Variants in ROS1 observed in about 807,000 individuals in gnomAD.
The protein encoded by ROS1 is ROS proto-oncogene 1, receptor tyrosine kinase.
In ROS1, 263 loss-of-function variants were observed where a neutral mutation model predicts 273.5. The ratio of observed to expected loss-of-function variants is 0.96; its 90% CI spans 0.87 to 1.06. ROS1 has a LOEUF of 1.06. Ranked by LOEUF, ROS1 falls within the 50% of genes least tolerant of loss-of-function variation. The pLI, the probability that ROS1 is intolerant of heterozygous loss-of-function variation, is 0.00. For synonymous variants in ROS1, 1,008 were observed against 954.1 expected (o/e 1.06, Z -1.04); for missense variants, 2,833 against 2,751.1 (o/e 1.03, Z -0.67).
chr6:117,345,230 C>A (rs1395783877), intron 27 of ROS1, among the ~76,000 whole-genome samples: 1 of 152,224 alleles, frequency 6.6e-6, no homozygotes, highest in South Asian at 2.1e-4. Context: ...TCCAACCCTT[C>A]ACATAGGTAG....
At chr6:117,369,319 T>G (rs972668597) in intron 18 of ROS1, among the ~76,000 whole-genome samples, 2 of 152,216 alleles carry the variant, frequency 1.3e-5, no homozygotes, top group Non-Finnish European at 2.9e-5. Context: ...TTCCTTCCTC[T>G]ACTTTATATT....
rs747157354 is a variant in ROS1 at position 117,329,318 on chromosome 6, AACAC to A, written c.5348+7_5348+10del. On this transcript the variant is annotated splice_region_variant and intron_variant, in intron 33 of 43. Coordinates refer to ENST00000368507, the MANE Select transcript of ROS1 (RefSeq NM_001378902.1). ...CTTTGTCATTTACAAGTACTTTGCA[AACAC>A]ACATACCTTATCTCAAGGATATAGT... is the stretch of plus-strand genomic sequence containing the variant. The A allele has an allele frequency of 2.4e-6, 3 of 1,234,880 alleles. No homozygotes were observed. The highest frequency in any genetic ancestry group is 3.5e-6 in the Non-Finnish European group (3 of 852,740). The allele number at this position is 1,234,880 out of a possible 1,614,324, so 76.5% of individuals were successfully genotyped here.
chr6:117,393,365 T>C (rs757849596), intron 11 of ROS1, 44 bp from the exon 12 acceptor site: 4 of 1,212,736 alleles, frequency 3.3e-6, no homozygotes, highest in South Asian at 1.2e-5. Context: ...CATCTGTCTA[T>C]ACAGCATTAA....
intron 43 of ROS1, among the ~76,000 whole-genome samples, chr6:117,296,361 A>G (rs1266379526): frequency 6.6e-6 from 1 of 151,764 alleles, no homozygotes; most frequent in African/African-American, 2.4e-5. Flanking sequence ...AGATCATGCC[A>G]TTGCTTTCTG....
At position 117,329,394 on chromosome 6, in the gene ROS1, A is replaced by G. The variant is rs1776888739; in HGVS notation, c.5283T>C (p.Asn1761=). Residue 1761 remains asparagine, a synonymous_variant, in exon 33 of 44, where the codon AAT becomes AAC. Coordinates refer to ENST00000368507, the MANE Select transcript of ROS1 (RefSeq NM_001378902.1). ...CTTCAGCTTTCTCCCACTGTATTGAATTTTTACTCCCTTCTAGTAATTTGG... is the reference window on the plus strand; with the variant it reads ...CTTCAGCTTTCTCCCACTGTATTGAGTTTTTACTCCCTTCTAGTAATTTGG... ...GIPKLLEGSK[N]SIQWEKAEDN... 6.2e-7 allele frequency: 1 copy of G among 1,604,250 alleles called. No individual in the cohort carries two copies.
At chr6:117,297,866 C>T (rs1402780089) in intron 43 of ROS1, among the ~76,000 whole-genome samples, 1 of 152,114 alleles carries the variant, frequency 6.6e-6, no homozygotes, top group African/African-American at 2.4e-5. Flanking sequence ...AATTCCATTA[C>T]TAGGTATCTA....
rs138573193 is a variant in ROS1 at position 117,342,493 on chromosome 6, A to G, written c.4558T>C (p.Tyr1520His). The G allele has an allele frequency of 2.0e-5, 32 of 1,602,988 alleles. No individual in the cohort carries two copies. Among genetic ancestry groups the G allele is most frequent in the Admixed American group, 5.0e-5 (3 of 59,584 alleles). ...TTTTTTACAGCTATCTGTATCATGTATGTTGAAAATGGTTGTAAATCTTCA... is the reference window on the plus strand; with the variant it reads ...TTTTTTACAGCTATCTGTATCATGTGTGTTGAAAATGGTTGTAAATCTTCA... ...LIEDLQPFST[Y>H]MIQIAVKNYY... The change falls in exon 29 of 44, where the codon TAC (tyrosine) becomes CAC (histidine). Residue 1520 changes from tyrosine to histidine, a missense_variant. By Grantham distance (83) the Tyr-to-His change is moderately conservative. Coordinates refer to ENST00000368507, the MANE Select transcript of ROS1 (RefSeq NM_001378902.1).
chr6:117,314,617 A>C (rs1463549140), intron 39 of ROS1, among the ~76,000 whole-genome samples: 1 of 152,220 alleles, frequency 6.6e-6, no homozygotes, highest in Non-Finnish European at 1.5e-5. Context: ...AGATACTACC[A>C]GTCACACTGA....
In ROS1 at chr6:117,404,142, A is replaced by C. The variant is rs1305489375; in HGVS notation, c.465+138T>G. The C allele has an allele frequency of 5.2e-6, 4 of 764,106 alleles. No individual in the cohort carries two copies. The African/African-American group carries it at 7.3e-5, about 14-fold the overall frequency. The allele number at this position is 764,106 out of a possible 1,614,324, so 47.3% of individuals were successfully genotyped here. ...CGGCTGAGGCAGGAGAATGGTGTGA[A>C]CCCAAGAGGCGGAGCTTGCAGTAAG... On this transcript the variant is annotated intron_variant, in intron 6 of 43. Transcript: ENST00000368507.
chr6:117,353,713 C>A (rs76276210), intron 26 of ROS1, among the ~76,000 whole-genome samples: 2 of 152,168 alleles, frequency 1.3e-5, no homozygotes, highest in South Asian at 2.1e-4. Context: ...AAATTTGATA[C>A]GAACAAATGT....
At chr6:117,399,090 A>G (rs764369581) in intron 7 of ROS1, among the ~76,000 whole-genome samples, 3 of 152,214 alleles carry the variant, frequency 2.0e-5, no homozygotes, top group Non-Finnish European at 4.4e-5. Context: ...TGATGTAGCT[A>G]GAAAAGTGAG....
At chr6:117,324,965 G>A (rs184552055) in intron 34 of ROS1, among the ~76,000 whole-genome samples, 13 of 152,070 alleles carry the variant, frequency 8.5e-5, no homozygotes. Context: ...CCTTTGTAAA[G>A]TGTTATTTTT....
intron 4 of ROS1, 99 bp from the exon 5 acceptor site, chr6:117,409,741 G>T (rs749032930): frequency 1.2e-6 from 1 of 855,678 alleles, no homozygotes; most frequent in Admixed American, 1.9e-5. Flanking sequence ...TAATATGCAA[G>T]TATATCTTTG....
intron 42 of ROS1, among the ~76,000 whole-genome samples, chr6:117,302,773 T>C (rs373683870): frequency 6.6e-6 from 1 of 152,212 alleles, no homozygotes; most frequent in East Asian, 1.9e-4. Flanking sequence ...TTCTTGACAA[T>C]GCTGGGTCTC....
intron 24 of ROS1, among the ~76,000 whole-genome samples, chr6:117,359,191 C>T (rs1427486281): frequency 6.6e-6 from 1 of 152,196 alleles, no homozygotes; most frequent in African/African-American, 2.4e-5. Context: ...TCTACCACCA[C>T]CAAGCCAACC....
intron 7 of ROS1, among the ~76,000 whole-genome samples, chr6:117,400,524 G>A (rs1330328838): frequency 6.6e-6 from 1 of 152,102 alleles, no homozygotes; most frequent in African/African-American, 2.4e-5. Flanking sequence ...ATTCTGATAG[G>A]GCAACATTCT....
Position 117,342,891 on chromosome 6 carries a change from A to T in ROS1, c.4507-347T>A, listed in dbSNP as rs555876902. Among the ~76,000 whole-genome samples the T allele has an allele frequency of 9.8e-4, 150 of 152,300 alleles. 1 individual carries two copies. The highest frequency in any genetic ancestry group is 1.1e-3 in the Non-Finnish European group (78 of 68,012). ...GTGACACATATGTGAATACAATAAAATATTTTTATAGTATCTAATCACTCT... is the reference window on the plus strand; with the variant it reads ...GTGACACATATGTGAATACAATAAATTATTTTTATAGTATCTAATCACTCT... On this transcript the variant is annotated intron_variant, in intron 28 of 43. Transcript: ENST00000368507.
Position 117,394,295 on chromosome 6 carries a change from A to T in ROS1, c.1058T>A (p.Leu353His). The change falls in exon 11 of 44, where the codon CTC (leucine) becomes CAC (histidine). Residue 353 changes from leucine (L) to histidine (H), a missense_variant. Transcript: ENST00000368507. ...GTTGGCAGCCTTCTTCGCCCATATG[A>T]GAGTTCCTTCAGAGAAATAAACAAT... ...QQIVYFSEGT[L>H]IWAKKAANMS... The T allele has an allele frequency of 6.2e-7, 1 of 1,609,212 alleles. No homozygotes were observed. The highest frequency in any genetic ancestry group is 1.1e-5 in the South Asian group (1 of 89,942).
At chr6:117,390,281 C>T (rs1031487681) in intron 12 of ROS1, among the ~76,000 whole-genome samples, 18 of 152,048 alleles carry the variant, frequency 1.2e-4, no homozygotes, top group Admixed American at 3.9e-4. Flanking sequence ...GGCTTGCCAC[C>T]GTGCTCGGCT....
Sources: gnomAD v4.1 joint callset for allele counts (sites outside exome capture counted in the v4.1 genomes callset) on GRCh38, gnomAD v4.1.1 for gene constraint, MANE v1.5 for transcripts, NCBI Gene and HGNC (gene_info 2026-07-23, HGNC 2026-07-21) for gene names.